The following SLC25A21 variants were observed in gnomAD, a reference collection of about 807,000 sequenced individuals.
The protein encoded by SLC25A21 is solute carrier family 25 member 21.
SLC25A21 carries 47 observed loss-of-function variants against 43.8 expected under a neutral mutation model. The ratio of observed to expected loss-of-function variants is 1.07; its 90% CI spans 0.85 to 1.37. The LOEUF (loss-of-function observed/expected upper bound fraction) is 1.37. SLC25A21 is among the 40% of genes most tolerant of loss of function. SLC25A21 has a pLI of 0.00. For missense variants in SLC25A21, 352 were observed against 350.2 expected (o/e 1.00, Z -0.04); for synonymous variants, 131 against 121.3 (o/e 1.08, Z -0.52).
At chr14:37,080,835 T>C (rs1002233371) in intron 1 of SLC25A21, among the ~76,000 whole-genome samples, 80 of 152,310 alleles carry the variant, frequency 5.3e-4, no homozygotes, top group African/African-American at 1.9e-3. Flanking sequence ...ATAGAATTTA[T>C]GCCATCATTT....
intron 1 of SLC25A21, among the ~76,000 whole-genome samples, chr14:36,923,616 A>G (rs1034427056): frequency 6.6e-6 from 1 of 152,210 alleles, no homozygotes; most frequent in Non-Finnish European, 1.5e-5. Context: ...GGTTTATAAT[A>G]TATGTAGAAG....
intron 2 of SLC25A21, among the ~76,000 whole-genome samples, chr14:36,825,212 C>A (rs1316363213): frequency 1.3e-5 from 2 of 152,154 alleles, no homozygotes; most frequent in Non-Finnish European, 2.9e-5. Flanking sequence ...ATCGTCAAGG[C>A]CAGTATAAAC....
intron 1 of SLC25A21, among the ~76,000 whole-genome samples, chr14:37,116,040 T>A (rs145024238): frequency 6.6e-6 from 1 of 152,216 alleles, no homozygotes; most frequent in East Asian, 1.9e-4. Context: ...CAGGGAACAA[T>A]CCTGCTTTAA....
intron 1 of SLC25A21, among the ~76,000 whole-genome samples, chr14:37,027,208 G>A (rs1287788690): frequency 6.6e-6 from 1 of 152,134 alleles, no homozygotes; most frequent in African/African-American, 2.4e-5. Context: ...ACATACTATA[G>A]CATGTCAGAG....
intron 2 of SLC25A21, among the ~76,000 whole-genome samples, chr14:36,832,797 C>A (rs1169581206): frequency 6.6e-6 from 1 of 152,144 alleles, no homozygotes; most frequent in African/African-American, 2.4e-5. Context: ...ATTATCACTT[C>A]AAAGGGACAT....
At chr14:36,736,578 C>G (rs2139232851) in intron 3 of SLC25A21, among the ~76,000 whole-genome samples, 1 of 152,016 alleles carries the variant, frequency 6.6e-6, no homozygotes, top group African/African-American at 2.4e-5. Flanking sequence ...TCTGTTCTTT[C>G]TGTGTTGATC....
intron 2 of SLC25A21, among the ~76,000 whole-genome samples, chr14:36,814,824 T>C (rs1198639524): frequency 1.3e-5 from 2 of 152,172 alleles, no homozygotes; most frequent in African/African-American, 2.4e-5. Flanking sequence ...ACCGGGTATA[T>C]ACCCAAAGGA....
At chr14:36,847,951 G>A (rs958682930) in intron 2 of SLC25A21, among the ~76,000 whole-genome samples, 1 of 152,132 alleles carries the variant, frequency 6.6e-6, no homozygotes, top group African/African-American at 2.4e-5. Flanking sequence ...CAGTGGAAGG[G>A]GGGCCCTAAG....
intron 1 of SLC25A21, among the ~76,000 whole-genome samples, chr14:37,119,882 C>A (rs1213551922): frequency 6.6e-6 from 1 of 152,040 alleles, no homozygotes; most frequent in African/African-American, 2.4e-5. Flanking sequence ...GGTAGGGTGG[C>A]AGCAAGTTCC....
At chr14:36,894,542 G>T (rs1360161913) in intron 1 of SLC25A21, among the ~76,000 whole-genome samples, 6 of 151,840 alleles carry the variant, frequency 4.0e-5, no homozygotes, top group African/African-American at 1.5e-4. Flanking sequence ...TCCTTCTCCT[G>T]CCTGATTGCC....
At chr14:37,112,234 T>TGCC (rs1238240397) in intron 1 of SLC25A21, among the ~76,000 whole-genome samples, 3 of 152,140 alleles carry the variant, frequency 2.0e-5, no homozygotes, top group Admixed American at 2.0e-4. Flanking sequence ...CAGGCCCCCT[T>TGCC]GCCGCCGCCG....
chr14:36,996,370 C>T (rs911006), intron 1 of SLC25A21, among the ~76,000 whole-genome samples: 16,090 of 152,136 alleles, frequency 0.11, 1,050 homozygotes, highest in African/African-American at 0.18. Context: ...CATATGGTAA[C>T]AGAATAATAC....
Position 36,825,325 on chromosome 14 carries a change from G to A in SLC25A21, c.120-11324C>T, listed in dbSNP as rs115027053. Reference sequence around the variant, plus strand: ...AATAATAAACATTCCATTATGTCATGAACGCATACTCAAAAGAGATCCAGT... The same window carrying A: ...AATAATAAACATTCCATTATGTCATAAACGCATACTCAAAAGAGATCCAGT... On this transcript the variant is annotated intron_variant, in intron 2 of 9. Coordinates refer to ENST00000331299, the MANE Select transcript of SLC25A21 (RefSeq NM_030631.4). Among the ~76,000 whole-genome samples the A allele has an allele frequency of 5.1e-3, 782 of 152,142 alleles. 7 individuals carry two copies. Among genetic ancestry groups the A allele is most frequent in the African/African-American group, 0.018 (731 of 41,482 alleles).
At chr14:36,924,552 G>A (rs1238603992) in intron 1 of SLC25A21, among the ~76,000 whole-genome samples, 1 of 152,052 alleles carries the variant, frequency 6.6e-6, no homozygotes, top group Admixed American at 6.6e-5. Flanking sequence ...GGGAGGGATA[G>A]CATTAGGAGA....
intron 1 of SLC25A21, among the ~76,000 whole-genome samples, chr14:37,015,504 G>A (rs571123929): frequency 6.6e-6 from 1 of 152,002 alleles, no homozygotes; most frequent in East Asian, 1.9e-4. Flanking sequence ...ATAGACATAC[G>A]TGTGCATGTG....
At chr14:37,030,043 G>A (rs2138766588) in intron 1 of SLC25A21, among the ~76,000 whole-genome samples, 1 of 152,210 alleles carries the variant, frequency 6.6e-6, no homozygotes, top group African/African-American at 2.4e-5. Context: ...GGGATTACAG[G>A]CGTGAGCCAC....
chr14:37,023,502 G>C (rs1168817885), intron 1 of SLC25A21, among the ~76,000 whole-genome samples: 1 of 151,854 alleles, frequency 6.6e-6, no homozygotes, highest in Non-Finnish European at 1.5e-5. Flanking sequence ...GTTAGAAAGA[G>C]CATTAACTTA....
rs868032149 is a variant in SLC25A21, at chr14:36,982,589, T to C, written c.71-107585A>G. 5.3e-5 allele frequency among the ~76,000 whole-genome samples: 8 copies of C among 152,032 alleles called. No individual in the cohort carries two copies. In the South Asian group the frequency reaches 1.4e-3, roughly 28 times the overall value. ...CACCACTTTGGGAGGCCAAGGCAGATGGATTGCTTGAGCTCAGGAGTTCAA... is the reference window on the plus strand; with the variant it reads ...CACCACTTTGGGAGGCCAAGGCAGACGGATTGCTTGAGCTCAGGAGTTCAA... On this transcript the variant is annotated intron_variant, in intron 1 of 9. Coordinates refer to ENST00000331299, the MANE Select transcript of SLC25A21 (RefSeq NM_030631.4).
intron 1 of SLC25A21, among the ~76,000 whole-genome samples, chr14:37,001,773 T>C (rs948712114): frequency 6.6e-6 from 1 of 152,158 alleles, no homozygotes; most frequent in African/African-American, 2.4e-5. Flanking sequence ...TTTCAAGATA[T>C]CTATTTGTTT....
Sources: gnomAD v4.1 joint callset for allele counts (sites outside exome capture counted in the v4.1 genomes callset) on GRCh38, gnomAD v4.1.1 for gene constraint, MANE v1.5 for transcripts, NCBI Gene and HGNC (gene_info 2026-07-23, HGNC 2026-07-21) for gene names.